LYST: variants seen among roughly 807,000 people sequenced by gnomAD.
LYST encodes the protein lysosomal-trafficking regulator.
A neutral mutation model predicts 413.6 loss-of-function variants in LYST; 192 were observed. The ratio of observed to expected loss-of-function variants is 0.46; its 90% CI spans 0.41 to 0.52. The LOEUF (loss-of-function observed/expected upper bound fraction) is 0.52, where lower values mean the gene tolerates loss of function less well. Among genes scored for constraint, LYST ranks in the 20% least tolerant of loss-of-function variants. The probability of loss-of-function intolerance (pLI) is 0.00; values close to 1 mark genes in which losing one functional copy is unlikely to be tolerated. For synonymous variants in LYST, 1,525 were observed against 1,567.3 expected (o/e 0.97, Z 0.64); for missense variants, 3,815 against 4,499.9 (o/e 0.85, Z 4.35).
chr1:235,799,116 C>T (rs1240514641), intron 10 of LYST, among the ~76,000 whole-genome samples: 2 of 152,084 alleles, frequency 1.3e-5, no homozygotes, highest in Non-Finnish European at 2.9e-5. Flanking sequence ...AATAAAAATA[C>T]ACCCATATAC....
chr1:235,787,409 T>C (rs1670538783), intron 13 of LYST, 36 bp from the exon 14 acceptor site: 2 of 1,544,686 alleles, frequency 1.3e-6, no homozygotes, highest in African/African-American at 2.7e-5. Flanking sequence ...GCTGAAAACA[T>C]GAAAATTCTG....
At chr1:235,670,591 C>G (rs1658857137) in intron 50 of LYST, among the ~76,000 whole-genome samples, 1 of 152,136 alleles carries the variant, frequency 6.6e-6, no homozygotes, top group Non-Finnish European at 1.5e-5. Flanking sequence ...CTCTCAGCAA[C>G]ATGGAAGGAA....
At position 235,854,121 on chromosome 1, in the gene LYST, G is replaced by C. The variant is rs1678891211; in HGVS notation, c.-98+12722C>G. On this transcript the variant is annotated intron_variant, in intron 1 of 52. Transcript: ENST00000389793. The surrounding 1 kb of genome is among the most constrained non-coding windows in gnomAD (Gnocchi z 4.1). ...GACCTTTGGATTTTTATAGCATGAT[G>C]ATGATGATGATAATCTGGCTAACAC... Among the ~76,000 whole-genome samples, 1 of 152,154 alleles carries C rather than the reference G, an allele frequency of 6.6e-6. No homozygotes were observed. Among genetic ancestry groups the C allele is most frequent in the Admixed American group, 6.5e-5 (1 of 15,284 alleles).
In LYST at chr1:235,759,273, C is replaced by A. The variant is rs1185692657; in HGVS notation, c.6580G>T (p.Val2194Leu). The A allele has an allele frequency of 1.2e-6, 2 of 1,614,194 alleles. No individual in the cohort carries two copies. Among genetic ancestry groups the A allele is most frequent in the African/African-American group, 1.3e-5 (1 of 75,058 alleles). The change falls in exon 23 of 53, where the codon GTG (valine) becomes TTG (leucine). Residue 2194 changes from valine to leucine, a missense_variant. Val to Leu is a conservative substitution (Grantham distance 32). Around this residue, in one of 4 missense-constraint regions of LYST, gnomAD observed 771 missense variants for 837.1 expected, o/e 0.92. Coordinates refer to ENST00000389793, the MANE Select transcript of LYST (RefSeq NM_000081.4). ...QVSVSDVPKGVLGFPVVKADH... is the reference protein window; with the variant it reads ...QVSVSDVPKGLLGFPVVKADH... ...GCTTTGACCACTGGAAATCCCAGCA[C>A]TCCCTTTGGGACATCACTGACAGAG...
intron 1 of LYST, among the ~76,000 whole-genome samples, chr1:235,881,195 T>C (rs961435071): frequency 2.0e-5 from 3 of 152,224 alleles, no homozygotes; most frequent in African/African-American, 7.2e-5. Context: ...TTAGAAGTAT[T>C]TTGCCAGAGT....
chr1:235,770,222 T>C lies in LYST; in HGVS notation c.5860A>G (p.Ile1954Val), dbSNP rs757271507. ...ACTTGAGCTTTCAATAACTGCTTAA[T>C]ATTAAACATCTGCTGGTGGTGATCT... is the stretch of plus-strand genomic sequence containing the variant. ...RADHHQQMFN[I>V]KQLLKAQVVH... Residue 1954 changes from isoleucine (I) to valine (V), a missense_variant, in exon 20 of 53, where the codon ATT (isoleucine) becomes GTT (valine). By Grantham distance (29) the Ile-to-Val change is conservative (BLOSUM62 3). This residue lies in a region of LYST where 530 missense variants were observed against 696.5 expected (regional missense o/e 0.76). Coordinates refer to ENST00000389793, the MANE Select transcript of LYST (RefSeq NM_000081.4). 1 of 1,613,820 alleles carries C rather than the reference T, an allele frequency of 6.2e-7. No individual in the cohort carries two copies. Among genetic ancestry groups the C allele is most frequent in the Non-Finnish European group, 8.5e-7 (1 of 1,179,778 alleles).
chr1:235,697,316 T>C (rs1661189592), intron 45 of LYST, 44 bp from the exon 46 acceptor site: 3 of 1,430,266 alleles, frequency 2.1e-6, no homozygotes. Context: ...TAAAAGGTGG[T>C]AAGTGTAGAA....
In LYST at chr1:235,715,368, C is replaced by T. The variant is rs764216403; in HGVS notation, c.9628-11G>A. 48 of 1,613,216 alleles carry T rather than the reference C, an allele frequency of 3.0e-5. 1 individual carries two copies. Among genetic ancestry groups the T allele is most frequent in the African/African-American group, 9.4e-5 (7 of 74,838 alleles). ...CTCTTCCTCCAAGTACTGAAAGAAA[C>T]GGTGAATCCAGAGAATTCATGATTG... On this transcript the variant is annotated splice_polypyrimidine_tract_variant and intron_variant, in intron 41 of 52. Transcript: ENST00000389793.
chr1:235,666,601 C>CACAT (rs1553260801), intron 50 of LYST, among the ~76,000 whole-genome samples: 10 of 111,258 alleles, frequency 9.0e-5, no homozygotes, highest in African/African-American at 1.7e-4. Context: ...CACACACACA[C>CACAT]ACACATACAC....
intron 38 of LYST, among the ~76,000 whole-genome samples, chr1:235,727,060 G>T: frequency 6.6e-6 from 1 of 151,398 alleles, no homozygotes; most frequent in East Asian, 1.9e-4. Flanking sequence ...ATACTTTCAT[G>T]ACTTTTTTTT....
In LYST at chr1:235,830,197, AAAGT is replaced by A. The variant is rs1558311569; in HGVS notation, c.192+25_192+28del. The A allele has an allele frequency of 3.3e-6, 5 of 1,508,228 alleles. No homozygotes were observed. The South Asian group carries it at 3.4e-5, about 10-fold the overall frequency. The allele number at this position is 1,508,228 out of a possible 1,614,324, so 93.4% of individuals were successfully genotyped here. A position where few individuals can be genotyped will look rare whatever the true frequency, so the allele number is the denominator to read the frequency against. On this transcript the variant is annotated intron_variant, in intron 3 of 52. Coordinates refer to ENST00000389793, the MANE Select transcript of LYST (RefSeq NM_000081.4). ...TACAGTTAACTATCATATATTGATGAAAGTAAGTATTTGATATAAAAATGTTACC... is the reference window on the plus strand; with the variant it reads ...TACAGTTAACTATCATATATTGATGAAAGTATTTGATATAAAAATGTTACC...
chr1:235,828,022 G>T, intron 3 of LYST: 1 of 424,070 alleles, frequency 2.4e-6, no homozygotes, highest in Non-Finnish European at 3.2e-6. Context: ...ATGAAAAAAT[G>T]CTCAACATCA....
At chr1:235,877,449 C>A (rs1435204487) in intron 1 of LYST, among the ~76,000 whole-genome samples, 1 of 152,146 alleles carries the variant, frequency 6.6e-6, no homozygotes, top group Non-Finnish European at 1.5e-5. Flanking sequence ...CTCTTGTCGC[C>A]CAGGCTGGAG....
rs1022676789 is a variant in LYST at position 235,666,422 on chromosome 1, T to G, written c.11039-1801A>C. On this transcript the variant is annotated intron_variant, in intron 50 of 52. Transcript: ENST00000389793. The stretch of plus-strand genomic sequence containing the variant: ...TCTACAATGGGCAAATTCAGAGAGA[T>G]AGAAAGTAAAATAGAGGTTACCAGG... 5.9e-5 allele frequency among the ~76,000 whole-genome samples: 9 copies of G among 151,874 alleles called. No individual in the cohort carries two copies. The South Asian group carries it at 6.3e-4, about 11-fold the overall frequency.
rs780071677 is a variant in LYST, at chr1:235,793,625, AAG to A, written c.4007-15_4007-14del. ...ACTCTCTGGCATGCTAAATTAAAGAAAGAGGGAAAAAATTAAAGCTAGTACAC... is the reference window on the plus strand; with the variant it reads ...ACTCTCTGGCATGCTAAATTAAAGAAAGGGAAAAAATTAAAGCTAGTACAC... On this transcript the variant is annotated splice_polypyrimidine_tract_variant and intron_variant, in intron 10 of 52. Transcript: ENST00000389793. 2.1e-6 allele frequency: 3 copies of A among 1,419,704 alleles called. No homozygotes were observed. The African/African-American group carries it at 4.2e-5, about 20-fold the overall frequency. 87.9% of individuals were successfully genotyped at this position (1,419,704 alleles called of 1,614,324 possible).
intron 50 of LYST, among the ~76,000 whole-genome samples, chr1:235,665,481 G>A (rs546290874): frequency 1.8e-4 from 28 of 151,872 alleles, no homozygotes; most frequent in African/African-American, 5.5e-4. Context: ...GGGTGGTGGC[G>A]GGCGCCTGTA....
chr1:235,689,484 G>A (rs1434026741), intron 47 of LYST, among the ~76,000 whole-genome samples: 1 of 152,170 alleles, frequency 6.6e-6, no homozygotes, highest in Non-Finnish European at 1.5e-5. Context: ...GCCAGGGGCT[G>A]AGAGTGCTGG....
chr1:235,732,554 T>C (rs116777367), intron 34 of LYST, among the ~76,000 whole-genome samples: 1 of 152,320 alleles, frequency 6.6e-6, no homozygotes, highest in Non-Finnish European at 1.5e-5. Context: ...TTAGGATGAT[T>C]AATACATATT....
At chr1:235,839,072 G>A (rs866975464) in intron 1 of LYST, among the ~76,000 whole-genome samples, 5 of 151,626 alleles carry the variant, frequency 3.3e-5, no homozygotes, top group South Asian at 4.2e-4. Context: ...TGAACCTCCC[G>A]CCTTGACTTC....
Sources: allele counts gnomAD v4.1 joint callset (sites outside exome capture counted in the v4.1 genomes callset), GRCh38; gene constraint gnomAD v4.1.1; regional missense constraint gnomAD v4.1.1; non-coding constraint Gnocchi (gnomAD v3.1); transcripts MANE v1.5; gene names NCBI Gene and HGNC (gene_info 2026-07-23, HGNC 2026-07-21).